Variants in UGT1A6 observed in about 807,000 individuals in gnomAD.
UGT1A6 encodes UDP-glucuronosyltransferase 1A6.
A neutral mutation model predicts 44.4 loss-of-function variants in UGT1A6; 32 were observed. The observed-to-expected ratio is 0.72, with a 90% CI of 0.54 to 0.97. The LOEUF is 0.97. Ranked by LOEUF, UGT1A6 falls within the 50% of genes least tolerant of loss-of-function variation. The probability of loss-of-function intolerance (pLI) is 0.00; values close to 1 mark genes in which losing one functional copy is unlikely to be tolerated. For missense variants in UGT1A6, 685 were observed against 661.9 expected (o/e 1.03, Z -0.38); for synonymous variants, 238 against 248.5 (o/e 0.96, Z 0.40).
intron 1 of UGT1A6, chr2:233,747,395 C>CA (rs1422981033): frequency 1.9e-6 from 3 of 1,606,350 alleles, no homozygotes; most frequent in Non-Finnish European, 2.6e-6. Context: ...CGGTGGTCCT[C>CA]ACCCCAGAGG....
At chr2:233,771,238 A>G (rs1201821229) in intron 4 of UGT1A6, 1 of 152,168 alleles carries the variant, frequency 6.6e-6, no homozygotes, top group Non-Finnish European at 1.5e-5. Context: ...CAGCGATCAT[A>G]ATTAGTCCTG....
intron 1 of UGT1A6, among the ~76,000 whole-genome samples, chr2:233,696,359 A>C (rs1559348526): frequency 6.6e-6 from 1 of 152,044 alleles, no homozygotes; most frequent in Non-Finnish European, 1.5e-5. Flanking sequence ...CCTTCCTTAA[A>C]TTTATTCCTA....
At chr2:233,743,564 G>C (rs772866173) in intron 1 of UGT1A6, 1 of 1,367,272 alleles carries the variant, frequency 7.3e-7, no homozygotes, top group East Asian at 4.6e-5. Flanking sequence ...ATTCTCCAGC[G>C]GGTTTCCCAA....
chr2:233,708,027 G>A (rs749696911), intron 1 of UGT1A6, among the ~76,000 whole-genome samples: 9 of 151,878 alleles, frequency 5.9e-5, no homozygotes, highest in South Asian at 4.2e-4. Flanking sequence ...TAGTTCTTTG[G>A]CAGTTATAGA....
intron 1 of UGT1A6, among the ~76,000 whole-genome samples, chr2:233,710,692 G>C (rs976331221): frequency 2.6e-5 from 4 of 152,100 alleles, no homozygotes; most frequent in African/African-American, 9.7e-5. Context: ...TTTACTTCTG[G>C]TGTGTGGTGT....
Position 233,747,172 on chromosome 2 carries a change from C to A in UGT1A6, c.862-19862C>A. 9 of 1,596,738 alleles carry A rather than the reference C, an allele frequency of 5.6e-6. No homozygotes were observed. The South Asian group carries it at 1.0e-4, about 18-fold the overall frequency. On this transcript the variant is annotated intron_variant, in intron 1 of 4. Transcript: ENST00000305139. Reference sequence around the variant, plus strand: ...ATGAAGAAAACAAATGTAGGAGGCACAGCGTGGGGTGGACAGTCAGCTGTC... The same window carrying A: ...ATGAAGAAAACAAATGTAGGAGGCAAAGCGTGGGGTGGACAGTCAGCTGTC...
intron 1 of UGT1A6, among the ~76,000 whole-genome samples, chr2:233,737,934 C>T (rs1461776263): frequency 1.3e-5 from 2 of 152,038 alleles, no homozygotes; most frequent in East Asian, 3.9e-4. Flanking sequence ...AGTAGTGAGT[C>T]CATTGACTGT....
chr2:233,754,935 A>G, intron 1 of UGT1A6: 2 of 1,340,028 alleles, frequency 1.5e-6, no homozygotes, highest in Non-Finnish European at 2.0e-6. Context: ...CAAGAGGTCA[A>G]AGGAGAATGG....
At chr2:233,716,309 C>T (rs2076497368) in intron 1 of UGT1A6, among the ~76,000 whole-genome samples, 1 of 152,204 alleles carries the variant, frequency 6.6e-6, no homozygotes, top group Admixed American at 6.5e-5. Flanking sequence ...GTCTCTTCCA[C>T]CTGTAATGGA....
chr2:233,728,258 A>G (rs1381126845), intron 1 of UGT1A6, among the ~76,000 whole-genome samples: 1 of 152,204 alleles, frequency 6.6e-6, no homozygotes, highest in East Asian at 1.9e-4. Flanking sequence ...GATGACTGAA[A>G]TAAAGACTGG....
chr2:233,729,557 CT>C, intron 1 of UGT1A6: 1 of 1,614,146 alleles, frequency 6.2e-7, no homozygotes, highest in Non-Finnish European at 8.5e-7. Context: ...CTGAATGCTA[CT>C]TCCTTTGATG....
At chr2:233,770,476 A>T (rs1030894944) in intron 4 of UGT1A6, 3 of 152,132 alleles carry the variant, frequency 2.0e-5, no homozygotes, top group African/African-American at 7.2e-5. Flanking sequence ...CAACATGAAG[A>T]AACCTTATCT....
chr2:233,742,497 T>C (rs1691999391), intron 1 of UGT1A6, among the ~76,000 whole-genome samples: 1 of 151,968 alleles, frequency 6.6e-6, no homozygotes, highest in Non-Finnish European at 1.5e-5. Flanking sequence ...ATAGGCATCA[T>C]GGCTATCATG....
rs34757826 is a variant in UGT1A6, at chr2:233,757,460, G to C, written c.862-9574G>C. 9.5e-3 allele frequency among the ~76,000 whole-genome samples: 1,419 copies of C among 149,430 alleles called. 20 individuals carry two copies. The highest frequency in any genetic ancestry group is 0.033 in the African/African-American group (1,351 of 40,382). On this transcript the variant is annotated intron_variant, in intron 1 of 4. Coordinates refer to ENST00000305139, the MANE Select transcript of UGT1A6 (RefSeq NM_001072.4). ...TTCTATACAGAAACATGTCCAGAGC[G>C]CTTACTGTCTCCAAAACCATGGACT... is the stretch of plus-strand genomic sequence containing the variant.
chr2:233,760,348 G>A (rs759212811), intron 1 of UGT1A6: 2 of 1,613,950 alleles, frequency 1.2e-6, no homozygotes, highest in Admixed American at 1.7e-5. Flanking sequence ...GTGTGTGCTG[G>A]GCCCAGTGGT....
At chr2:233,724,116 G>A (rs1387797895) in intron 1 of UGT1A6, among the ~76,000 whole-genome samples, 1 of 116,526 alleles carries the variant, frequency 8.6e-6, no homozygotes, top group Non-Finnish European at 1.7e-5. Flanking sequence ...GCCGGGCAGA[G>A]GCGCCCCTCA....
intron 1 of UGT1A6, chr2:233,729,460 A>G: frequency 1.2e-6 from 2 of 1,614,116 alleles, no homozygotes; most frequent in Non-Finnish European, 1.7e-6. Flanking sequence ...GAAATTTTTC[A>G]GAAGTATGGC....
chr2:233,765,466 T>C (rs1160830121), intron 1 of UGT1A6, among the ~76,000 whole-genome samples: 1 of 152,142 alleles, frequency 6.6e-6, no homozygotes, highest in Non-Finnish European at 1.5e-5. Context: ...AGGACATGGA[T>C]GAAGCTGGAA....
rs752420110 is a variant in UGT1A6, at chr2:233,767,943, T to C, written c.1081+7T>C. The C allele has an allele frequency of 3.2e-5, 51 of 1,614,076 alleles. No homozygotes were observed. The highest frequency in any genetic ancestry group is 1.6e-4 in the East Asian group (7 of 44,900). On this transcript the variant is annotated splice_region_variant and intron_variant, in intron 3 of 4. Transcript: ENST00000305139. ...CCCCAAAACGATCTGCTTGGTATGT[T>C]GGGCGGATTGGATGTATAGGTCAAA...
Sources: allele counts gnomAD v4.1 joint callset (sites outside exome capture counted in the v4.1 genomes callset), GRCh38; gene constraint gnomAD v4.1.1; transcripts MANE v1.5; gene names NCBI Gene and HGNC (gene_info 2026-07-23, HGNC 2026-07-21).